RHPN1: variants seen among roughly 807,000 people sequenced by gnomAD.
RHPN1 encodes rhophilin Rho GTPase binding protein 1.
RHPN1 carries 77 observed loss-of-function variants against 74.7 expected under a neutral mutation model. That is an observed-to-expected ratio of 1.03 (90% CI 0.86 to 1.25). RHPN1 has a LOEUF of 1.25. Ranked by LOEUF, RHPN1 falls within the 50% of genes most tolerant of loss-of-function variation. The pLI, the probability that RHPN1 is intolerant of heterozygous loss-of-function variation, is 0.00. For synonymous variants in RHPN1, 444 were observed against 414.5 expected (o/e 1.07, Z -0.87); for missense variants, 987 against 932.2 (o/e 1.06, Z -0.77).
In RHPN1 at chr8:143,368,932, T is replaced by G; in HGVS notation, c.-56T>G. ...CGGCCCTAGCCCGGCTGCGGAGCGC[T>G]GCGCGAGCGGCGGGCTGGCTGACCC... On this transcript the variant is annotated 5_prime_UTR_variant, in exon 1 of 15. Transcript: ENST00000289013. The G allele has an allele frequency of 7.3e-7, 1 of 1,377,320 alleles. No individual in the cohort carries two copies. The highest frequency in any genetic ancestry group is 9.5e-7 in the Non-Finnish European group (1 of 1,056,434). The allele number at this position is 1,377,320 out of a possible 1,614,324, so 85.3% of individuals were successfully genotyped here.
chr8:143,380,042 A>C lies in RHPN1; in HGVS notation c.1103-20A>C. 6.5e-7 allele frequency: 1 copy of C among 1,546,360 alleles called. No homozygotes were observed. Among genetic ancestry groups the C allele is most frequent in the South Asian group, 1.2e-5 (1 of 83,738 alleles). On this transcript the variant is annotated intron_variant, in intron 9 of 14. Coordinates refer to ENST00000289013, the MANE Select transcript of RHPN1 (RefSeq NM_052924.3). ...GCCAAGGCCCCCCCGCGCAGGGCTC[A>C]CAGCCTCTCTGTCCCCCAGCAGCGA...
Position 143,382,486 on chromosome 8 carries a change from G to T in RHPN1, c.1848G>T (p.Gln616His). The T allele has an allele frequency of 6.2e-7, 1 of 1,602,378 alleles. No individual in the cohort carries two copies. The highest frequency in any genetic ancestry group is 8.5e-7 in the Non-Finnish European group (1 of 1,175,426). ...LLGPRGLLRS[Q>H]REHGCKTPAS... is the part of the protein sequence containing the mutation. ...GCCCCAGGGGGCTTCTAAGGAGCCA[G>T]AGGGAGCATGGTTGCAAGACCCCGG... The change falls in exon 15 of 15, where the codon CAG becomes CAT. Residue 616 changes from glutamine to histidine, a missense_variant. By Grantham distance (24) the Gln-to-His change is conservative. Coordinates refer to ENST00000289013, the MANE Select transcript of RHPN1 (RefSeq NM_052924.3).
In RHPN1 at chr8:143,379,381, T is replaced by A; in HGVS notation, c.818T>A (p.Leu273His). ...APSPDMSAASLCALEQLMMAQ... is the reference protein window; with the variant it reads ...APSPDMSAASHCALEQLMMAQ... Reference sequence around the variant, plus strand: ...AGCCCAGACATGAGCGCTGCGTCCCTCTGCGCACTGGAGCAGCTCATGATG... The same window carrying A: ...AGCCCAGACATGAGCGCTGCGTCCCACTGCGCACTGGAGCAGCTCATGATG... The change falls in exon 8 of 15, where the codon CTC becomes CAC. Residue 273 changes from leucine to histidine, a missense_variant. Transcript: ENST00000289013. 6.2e-7 allele frequency: 1 copy of A among 1,600,646 alleles called. No homozygotes were observed. Among genetic ancestry groups the A allele is most frequent in the South Asian group, 1.1e-5 (1 of 88,694 alleles).
At chr8:143,367,884 T>C (rs1817593890), upstream of RHPN1, 1 of 151,862 alleles carries the variant, frequency 6.6e-6, no homozygotes, top group Admixed American at 6.6e-5. Context: ...GGCTCCGGAG[T>C]CACCAGACAC....
rs758191568 is a variant in RHPN1, at chr8:143,381,949, G to GCT, written c.1781_1782dup (p.Arg595LeufsTer20). 7 of 1,601,100 alleles carry GCT rather than the reference G, an allele frequency of 4.4e-6. No individual in the cohort carries two copies. The East Asian group carries it at 1.6e-4, about 36-fold the overall frequency. On this transcript the variant is annotated frameshift_variant, in exon 14 of 15. Coordinates refer to ENST00000289013, the MANE Select transcript of RHPN1 (RefSeq NM_052924.3). LOFTEE classifies it low-confidence loss of function (END_TRUNC). ...CTGCAGGTGGTGTCGCTGCTGCCCA[G>GCT]CTCTAGACTGCCCAGCTTGGTGAGC...
intron 11 of RHPN1, 142 bp downstream of exon 11, chr8:143,380,925 A>C (rs1186858431): frequency 1.8e-5 from 14 of 761,240 alleles, no homozygotes; most frequent in Non-Finnish European, 2.9e-5. Flanking sequence ...GGCCACGATC[A>C]CAGGGACCCA....
At chr8:143,376,912 CTGTG>C (rs556084662) in intron 3 of RHPN1, among the ~76,000 whole-genome samples, 5 of 132,892 alleles carry the variant, frequency 3.8e-5, no homozygotes, top group Non-Finnish European at 7.8e-5. Context: ...GCGCGTGTGT[CTGTG>C]TGTCTGCATG....
At position 143,378,787 on chromosome 8, in the gene RHPN1, C is replaced by A; in HGVS notation, c.551C>A (p.Thr184Asn). The change falls in exon 6 of 15, where the codon ACC becomes AAC. Residue 184 changes from threonine (T) to asparagine (N), a missense_variant. Coordinates refer to ENST00000289013, the MANE Select transcript of RHPN1 (RefSeq NM_052924.3). ...TGCTTCCTGGATGCGCGCTTCCTCA[C>A]CCCTGCCAGGAGCCTCGGGCTCTTC... Reference protein sequence around the residue: ...QLCFLDARFLTPARSLGLFFH... With the variant: ...QLCFLDARFLNPARSLGLFFH... The A allele has an allele frequency of 6.4e-7, 1 of 1,567,776 alleles. No individual in the cohort carries two copies. The highest frequency in any genetic ancestry group is 8.6e-7 in the Non-Finnish European group (1 of 1,156,754).
At position 143,368,997 on chromosome 8, in the gene RHPN1, G is replaced by T; in HGVS notation, c.10G>T (p.Glu4Ter). ...CGCAGCGGGTGCGGCGATGATCCTG[G>T]AGGAGAGGCCGGACGGCGCGGGCGC... is the stretch of plus-strand genomic sequence containing the variant. MIL[E>*]ERPDGAGAGE... The change falls in exon 1 of 15, where the codon GAG (glutamate) becomes TAG (stop). Residue 4 changes from glutamate (E) to a stop codon, truncating the protein, a stop_gained. Transcript: ENST00000289013. LOFTEE classifies it high-confidence loss of function. 6.7e-7 allele frequency: 1 copy of T among 1,495,744 alleles called. No homozygotes were observed. The highest frequency in any genetic ancestry group is 8.8e-7 in the Non-Finnish European group (1 of 1,130,372). 92.7% of individuals were successfully genotyped at this position (1,495,744 alleles called of 1,614,324 possible).
At chr8:143,371,145 C>T (rs1465471645) in intron 1 of RHPN1, among the ~76,000 whole-genome samples, 1 of 152,138 alleles carries the variant, frequency 6.6e-6, no homozygotes, top group African/African-American at 2.4e-5. Flanking sequence ...GAGTCCCTGC[C>T]GTGAGTGGCC....
In RHPN1 at chr8:143,379,016, G is replaced by T; in HGVS notation, c.689G>T (p.Arg230Leu). 1.3e-6 allele frequency: 2 copies of T among 1,549,230 alleles called. No homozygotes were observed. Among genetic ancestry groups the T allele is most frequent in the Non-Finnish European group, 8.7e-7 (1 of 1,146,784 alleles). ...GCCCTCCACACGCAGATTGGGGCGC[G>T]CCAGGACCGCTCCTGCACCGAGGGT... is the stretch of plus-strand genomic sequence containing the variant. ...IGALHTQIGA[R>L]QDRSCTEGAR... The change falls in exon 7 of 15, where the codon CGC becomes CTC. Residue 230 changes from arginine (R) to leucine (L), a missense_variant. Transcript: ENST00000289013.
Position 143,379,846 on chromosome 8 carries a change from G to A in RHPN1, c.963G>A (p.Arg321=). The change falls in exon 9 of 15, where the codon AGG becomes AGA. Residue 321 remains arginine, a synonymous_variant. Coordinates refer to ENST00000289013, the MANE Select transcript of RHPN1 (RefSeq NM_052924.3). ...ACCGGCAGGTGGCAGCCGAGTACAG[G>A]CTAGTGCACCGGACCATGGCCCAGC... ...QEAAQVAAEY[R]LVHRTMAQPP... 4 of 1,610,450 alleles carry A rather than the reference G, an allele frequency of 2.5e-6. No individual in the cohort carries two copies. The highest frequency in any genetic ancestry group is 3.4e-6 in the Non-Finnish European group (4 of 1,179,110).
chr8:143,366,001 CAAA>C (rs530970414), upstream of RHPN1, among the ~76,000 whole-genome samples: 9 of 74,930 alleles, frequency 1.2e-4, no homozygotes, highest in Non-Finnish European at 1.2e-4. Context: ...CACCCTGTCT[CAAA>C]AAAAAAAAAA....
intron 11 of RHPN1, 42 bp downstream of exon 11, chr8:143,380,825 A>T: frequency 6.9e-7 from 1 of 1,454,130 alleles, no homozygotes. Context: ...ATCCCTGGCC[A>T]GGGTGGGGGC....
At position 143,383,787 on chromosome 8, in the gene RHPN1, G is replaced by C. The variant is rs554429020; in HGVS notation, c.*1136G>C. On this transcript the variant is annotated 3_prime_UTR_variant, in exon 15 of 15. Transcript: ENST00000289013. ...GGGGGCAGCCGCCACCCGCTCAGCA[G>C]CCCTGGGAGGCGGCACGGGCAGGTG... is the stretch of plus-strand genomic sequence containing the variant. 6 of 152,374 alleles carry C rather than the reference G, an allele frequency of 3.9e-5. No homozygotes were observed. Among genetic ancestry groups the C allele is most frequent in the African/African-American group, 1.4e-4 (6 of 41,574 alleles). 9.4% of individuals were successfully genotyped at this position (152,374 alleles called of 1,614,324 possible). A position where few individuals can be genotyped will look rare whatever the true frequency, so the allele number is the denominator to read the frequency against.
chr8:143,376,384 G>A, intron 2 of RHPN1, 141 bp from the exon 3 acceptor site: 1 of 1,258,826 alleles, frequency 7.9e-7, no homozygotes, highest in Non-Finnish European at 1.1e-6. Flanking sequence ...CCCCACCCAT[G>A]GGGGGCAGAC....
At position 143,377,449 on chromosome 8, in the gene RHPN1, G is replaced by A. The variant is rs374595145; in HGVS notation, c.375G>A (p.Pro125=). 2.0e-4 allele frequency: 316 copies of A among 1,611,462 alleles called. No individual in the cohort carries two copies. The highest frequency in any genetic ancestry group is 3.3e-4 in the Middle Eastern group (2 of 6,072). ...CCAAGGAGCTGGACTGGTCTACACC[G>A]CTGAAGGTAGGTACTGGCCTCCAAG... The part of the protein sequence containing the change: ...KETKELDWST[P]LKELISVHFG... The change falls in exon 4 of 15, where the codon CCG becomes CCA. Residue 125 remains proline, a synonymous_variant. Transcript: ENST00000289013.
upstream of RHPN1, chr8:143,368,838 C>T (rs1011580232): frequency 7.2e-6 from 3 of 418,210 alleles, no homozygotes; most frequent in Non-Finnish European, 1.2e-5. Flanking sequence ...CCGCGGGCCG[C>T]CCCCACTCAG....
Position 143,380,727 on chromosome 8 carries a change from C to G in RHPN1, c.1355C>G (p.Ala452Gly). The change falls in exon 11 of 15, where the codon GCG (alanine) becomes GGG (glycine). Residue 452 changes from alanine to glycine, a missense_variant. Ala to Gly is a moderately conservative substitution (Grantham distance 60, BLOSUM62 0). Transcript: ENST00000289013. Reference sequence around the variant, plus strand: ...CTGCAGCGCTCACTGGCCAAGTATGCGGAGCTCGACCGTGAGGATGACTTC... The same window carrying G: ...CTGCAGCGCTCACTGGCCAAGTATGGGGAGCTCGACCGTGAGGATGACTTC... ...QTLQRSLAKY[A>G]ELDREDDFCE... 1.3e-6 allele frequency: 2 copies of G among 1,594,834 alleles called. No homozygotes were observed. The highest frequency in any genetic ancestry group is 1.7e-6 in the Non-Finnish European group (2 of 1,171,202).
Sources: allele counts gnomAD v4.1 joint callset (sites outside exome capture counted in the v4.1 genomes callset), GRCh38; gene constraint gnomAD v4.1.1; transcripts MANE v1.5; gene names NCBI Gene and HGNC (gene_info 2026-07-23, HGNC 2026-07-21).